The following COG5 variants were observed in gnomAD, a reference collection of about 807,000 sequenced individuals.
The protein encoded by COG5 is component of oligomeric golgi complex 5.
Under a neutral mutation model 110.4 loss-of-function variants are expected in COG5, and 86 were observed. The ratio of observed to expected loss-of-function variants is 0.78; its 90% confidence interval spans 0.65 to 0.93. The LOEUF is 0.93. Among genes scored for constraint, COG5 ranks in the 40% least tolerant of loss-of-function variants. The pLI, the probability that COG5 is intolerant of heterozygous loss-of-function variation, is 0.00. For synonymous variants in COG5, 360 were observed against 334.6 expected, an observed-to-expected ratio of 1.08 and a Z score of -0.83; for missense variants, 1,077 against 987.0, an observed-to-expected ratio of 1.09 and a Z score of -1.22.
intron 11 of COG5, among the ~76,000 whole-genome samples, chr7:107,318,422 T>G (rs1043228372): frequency 2.0e-5 from 3 of 152,202 alleles, no homozygotes; most frequent in Non-Finnish European, 2.9e-5. Flanking sequence ...GAAAATAAAA[T>G]GATAGCCACC....
chr7:107,513,881 C>A (rs1358514959), intron 6 of COG5, among the ~76,000 whole-genome samples: 1 of 151,312 alleles, frequency 6.6e-6, no homozygotes, highest in South Asian at 2.1e-4. Context: ...GGGAACATCA[C>A]ACTCCGGGGA....
At chr7:107,343,009 T>G (rs185308121) in intron 10 of COG5, among the ~76,000 whole-genome samples, 10 of 152,308 alleles carry the variant, frequency 6.6e-5, no homozygotes, top group African/African-American at 2.4e-4. Flanking sequence ...AAATGTGGCA[T>G]GTAAACACCA....
At position 107,502,172 on chromosome 7, in the gene COG5, C is replaced by T. The variant is rs565970018; in HGVS notation, c.538+25065G>A. On this transcript the variant is annotated intron_variant, in intron 6 of 21. Transcript: ENST00000297135. ...TTTTTTATCCCACATTCTCAATACC[C>T]TTCCTCTTCTGAATCTCCAAAGTCC... Among the ~76,000 whole-genome samples, 3 of 152,180 alleles carry T rather than the reference C, an allele frequency of 2.0e-5. No homozygotes were observed. In the South Asian group the frequency reaches 6.2e-4, roughly 32 times the overall value.
intron 11 of COG5, among the ~76,000 whole-genome samples, chr7:107,312,772 C>T (rs578055792): frequency 6.6e-6 from 1 of 152,054 alleles, no homozygotes; most frequent in South Asian, 2.1e-4. Context: ...CAGACCAGTT[C>T]ACTTCTTGTA....
intron 17 of COG5, among the ~76,000 whole-genome samples, chr7:107,241,424 C>CTA (rs1285870594): frequency 7.5e-6 from 1 of 132,544 alleles, no homozygotes. Flanking sequence ...ATCCATCTAT[C>CTA]TATCTATATA....
intron 6 of COG5, among the ~76,000 whole-genome samples, chr7:107,489,237 T>C (rs1797839884): frequency 6.6e-6 from 1 of 152,174 alleles, no homozygotes; most frequent in African/African-American, 2.4e-5. Context: ...AAGCAAAATA[T>C]AAACTCTTCG....
intron 11 of COG5, among the ~76,000 whole-genome samples, chr7:107,318,512 CCATA>C (rs1275155789): frequency 6.6e-6 from 1 of 152,138 alleles, no homozygotes; most frequent in African/African-American, 2.4e-5. Flanking sequence ...GCAACTACAG[CCATA>C]AATAATTTTT....
intron 6 of COG5, among the ~76,000 whole-genome samples, chr7:107,520,467 T>G (rs1800247687): frequency 6.6e-6 from 1 of 152,164 alleles, no homozygotes; most frequent in Non-Finnish European, 1.5e-5. Flanking sequence ...AAAATCAATG[T>G]GCAAAAATCA....
chr7:107,428,348 A>G (rs1050271106), intron 6 of COG5, among the ~76,000 whole-genome samples: 1 of 152,180 alleles, frequency 6.6e-6, no homozygotes, highest in Admixed American at 6.5e-5. Context: ...TGGTGCCCCT[A>G]AAAGACACCT....
At chr7:107,285,927 A>G (rs999101763) in intron 12 of COG5, among the ~76,000 whole-genome samples, 3 of 152,164 alleles carry the variant, frequency 2.0e-5, no homozygotes, top group Non-Finnish European at 4.4e-5. Flanking sequence ...AGATATACAC[A>G]AAAATAAAAA....
intron 19 of COG5, among the ~76,000 whole-genome samples, chr7:107,227,706 C>A (rs9641380): frequency 1.7e-5 from 2 of 118,164 alleles, no homozygotes; most frequent in African/African-American, 6.6e-5. Context: ...TTTTTTGGGG[C>A]GGGGGGTGTG....
chr7:107,537,202 C>T (rs1201292693), intron 5 of COG5, among the ~76,000 whole-genome samples: 1 of 152,086 alleles, frequency 6.6e-6, no homozygotes, highest in Non-Finnish European at 1.5e-5. Context: ...GACCAGCAAT[C>T]CCATTACAGG....
chr7:107,559,764 A>C (rs1803626906), intron 1 of COG5, among the ~76,000 whole-genome samples: 2 of 152,244 alleles, frequency 1.3e-5, no homozygotes, highest in African/African-American at 4.8e-5. Context: ...TCAGCCAGAC[A>C]AATGAAAAAA....
At chr7:107,476,005 T>A (rs538148883) in intron 6 of COG5, among the ~76,000 whole-genome samples, 101 of 150,758 alleles carry the variant, frequency 6.7e-4, no homozygotes, top group Admixed American at 6.4e-3. Flanking sequence ...AACTTTAAAA[T>A]TCATGCTTAC....
chr7:107,371,538 C>A (rs1814166405), intron 8 of COG5, among the ~76,000 whole-genome samples: 2 of 152,046 alleles, frequency 1.3e-5, no homozygotes, highest in Admixed American at 1.3e-4. Context: ...ATGAGTTATT[C>A]CATCAACCCT....
chr7:107,348,698 A>T (rs1392560443), intron 10 of COG5, among the ~76,000 whole-genome samples: 1 of 152,182 alleles, frequency 6.6e-6, no homozygotes, highest in Non-Finnish European at 1.5e-5. Flanking sequence ...CCACTTGTTA[A>T]CACGAGACAC....
chr7:107,381,512 C>G (rs1005841939), intron 7 of COG5, among the ~76,000 whole-genome samples: 13 of 152,158 alleles, frequency 8.5e-5, no homozygotes, highest in Non-Finnish European at 1.2e-4. Flanking sequence ...AACCAAACTT[C>G]GTCAATTGTG....
At chr7:107,462,000 C>T (rs1311093559) in intron 6 of COG5, among the ~76,000 whole-genome samples, 1 of 152,120 alleles carries the variant, frequency 6.6e-6, no homozygotes, top group Non-Finnish European at 1.5e-5. Flanking sequence ...ATTAAAATCC[C>T]AGCTTCCATA....
rs533397229 is a variant in COG5 at position 107,251,866 on chromosome 7, G to C, written c.1750-3367C>G. 1.6e-4 allele frequency among the ~76,000 whole-genome samples: 25 copies of C among 151,942 alleles called. 1 individual carries two copies. In the South Asian group the frequency reaches 5.2e-3, roughly 32 times the overall value. ...AAACTAGCAAAAAGTAGAAAATAAA[G>C]AAAGATAAAAGCAGAAATCATTGAA... On this transcript the variant is annotated intron_variant, in intron 16 of 21. Coordinates refer to ENST00000297135, the MANE Select transcript of COG5 (RefSeq NM_006348.5).
Sources: allele counts gnomAD v4.1 joint callset (sites outside exome capture counted in the v4.1 genomes callset), GRCh38; gene constraint gnomAD v4.1.1; transcripts MANE v1.5; gene names NCBI Gene and HGNC (gene_info 2026-07-23, HGNC 2026-07-21).